Variants in PPP2R5D observed in about 807,000 individuals in gnomAD.
PPP2R5D encodes serine/threonine-protein phosphatase 2A 56 kDa regulatory subunit delta isoform.
A neutral mutation model predicts 79.1 loss-of-function variants in PPP2R5D; 12 were observed. The ratio of observed to expected loss-of-function variants is 0.15; its 90% confidence interval spans 0.10 to 0.25. The LOEUF (loss-of-function observed/expected upper bound fraction) is 0.25. Ranked by LOEUF, PPP2R5D falls within the 10% of genes least tolerant of loss-of-function variation. The pLI, the probability that PPP2R5D is intolerant of heterozygous loss-of-function variation, is 1.00. For missense variants in PPP2R5D, 419 were observed against 760.2 expected (o/e 0.55, Z 5.28); for synonymous variants, 277 against 286.6 (o/e 0.97, Z 0.34).
chr6:43,002,387 ACT>A (rs1207611814), intron 2 of PPP2R5D, among the ~76,000 whole-genome samples: 1 of 151,496 alleles, frequency 6.6e-6, no homozygotes, highest in Non-Finnish European at 1.5e-5. Context: ...CTGCTCTCAA[ACT>A]CCTGACCTCG....
At chr6:42,989,483 A>G in intron 1 of PPP2R5D, 128 bp from the exon 2 acceptor site, 1 of 788,126 alleles carries the variant, frequency 1.3e-6, no homozygotes, top group Non-Finnish European at 2.1e-6. Context: ...CCAGCTCCGC[A>G]CAAGGTAGAT....
At position 43,009,478 on chromosome 6, in the gene PPP2R5D, G is replaced by C; in HGVS notation, c.1379+29G>C. ...AGGCGCTGGGGTGGGGCTGGGTGGT[G>C]GGGATCCAGTTTGGGAAACTTTGAG... On this transcript the variant is annotated intron_variant, in intron 12 of 15. Coordinates refer to ENST00000485511, the MANE Select transcript of PPP2R5D (RefSeq NM_006245.4). The surrounding 1 kb of genome is among the most constrained non-coding windows in gnomAD (Gnocchi z 5.6). 2 of 1,613,602 alleles carry C rather than the reference G, an allele frequency of 1.2e-6. No homozygotes were observed. The highest frequency in any genetic ancestry group is 2.2e-5 in the South Asian group (2 of 91,066).
At position 43,011,776 on chromosome 6, in the gene PPP2R5D, C is replaced by G. The variant is rs1318140995; in HGVS notation, c.*490C>G. ...TGAAGGGAAGCCAACCCCCCTGCAG[C>G]ACAAATAGGCCCCCCAGTCCCAGCC... On this transcript the variant is annotated 3_prime_UTR_variant, in exon 16 of 16. Coordinates refer to ENST00000485511, the MANE Select transcript of PPP2R5D (RefSeq NM_006245.4). The G allele has an allele frequency of 5.9e-6, 1 of 168,162 alleles. No individual in the cohort carries two copies. Among genetic ancestry groups the G allele is most frequent in the Admixed American group, 5.7e-5 (1 of 17,650 alleles). The allele number at this position is 168,162 out of a possible 1,614,324, so 10.4% of individuals were successfully genotyped here.
At position 43,009,289 on chromosome 6, in the gene PPP2R5D, G is replaced by A. The variant is rs374775797; in HGVS notation, c.1252-33G>A. On this transcript the variant is annotated intron_variant, in intron 11 of 15. Coordinates refer to ENST00000485511, the MANE Select transcript of PPP2R5D (RefSeq NM_006245.4). This position sits in a 1 kb window ranked among gnomAD's most constrained non-coding sequence, Gnocchi z 5.6. ...GAAACTGAGGTCTTGAGTGAAATGA[G>A]CAGCACCCACCGAGTCTGCCTCTCC... The A allele has an allele frequency of 3.1e-6, 5 of 1,613,916 alleles. No homozygotes were observed. In the Admixed American group the frequency reaches 6.7e-5, roughly 22 times the overall value.
intron 2 of PPP2R5D, among the ~76,000 whole-genome samples, chr6:42,995,776 T>A (rs1771623386): frequency 6.6e-6 from 1 of 150,682 alleles, no homozygotes; most frequent in Non-Finnish European, 1.5e-5. Flanking sequence ...AGTACAGTGG[T>A]ACAATCATGG....
intron 15 of PPP2R5D, 21 bp downstream of exon 15, chr6:43,011,018 G>A: frequency 6.2e-7 from 1 of 1,610,396 alleles, no homozygotes. Context: ...AATGTAGGGG[G>A]ATGGAGCAGA....
chr6:43,010,485 T>A lies in PPP2R5D; in HGVS notation c.1397T>A (p.Ile466Asn), dbSNP rs930548289. The change falls in exon 13 of 16, where the codon ATC becomes AAC. Residue 466 changes from isoleucine to asparagine, a missense_variant. Physicochemically the swap from Ile to Asn is moderately radical, Grantham distance 149. Transcript: ENST00000485511. The surrounding 1 kb of genome is among the most constrained non-coding windows in gnomAD (Gnocchi z 4.7). ...GGTGGCAGGACAATCCATGGACTGATCTATAATGCCCTGAAGTTGTTTATG... is the reference window on the plus strand; with the variant it reads ...GGTGGCAGGACAATCCATGGACTGAACTATAATGCCCTGAAGTTGTTTATG... ...SHWNKTIHGL[I>N]YNALKLFMEM... 6.2e-7 allele frequency: 1 copy of A among 1,613,958 alleles called. No homozygotes were observed. The highest frequency in any genetic ancestry group is 8.5e-7 in the Non-Finnish European group (1 of 1,179,996).
intron 1 of PPP2R5D, among the ~76,000 whole-genome samples, chr6:42,986,079 C>A (rs939671309): frequency 6.6e-6 from 1 of 152,132 alleles, no homozygotes; most frequent in African/African-American, 2.4e-5. Context: ...GCCTGGCCCA[C>A]AGGCCAGTTC....
rs578158223 is a variant in PPP2R5D at position 43,007,310 on chromosome 6, C to T, written c.633+4C>T. 1.9e-6 allele frequency: 3 copies of T among 1,613,782 alleles called. No homozygotes were observed. The Admixed American group carries it at 5.0e-5, about 27-fold the overall frequency. On this transcript the variant is annotated splice_donor_region_variant and intron_variant, in intron 5 of 15. Coordinates refer to ENST00000485511, the MANE Select transcript of PPP2R5D (RefSeq NM_006245.4). The surrounding 1 kb of genome is among the most constrained non-coding windows in gnomAD (Gnocchi z 4.5). ...AGCTGCTTGGCCACATCTCCAGGTA[C>T]CAGGGCAAGGGGGCAGATTGGCCGT...
chr6:43,009,065 G>A lies in PPP2R5D; in HGVS notation c.1089G>A (p.Val363=), dbSNP rs973548049. The stretch of plus-strand genomic sequence containing the variant: ...CCCTCCTTGTCTCCCAGGTAATTGT[G>A]GGACTTCTCAAGTTTTGGCCCAAGA... The part of the protein sequence containing the change: ...KESSLTEPVI[V]GLLKFWPKTH... The change falls in exon 11 of 16, where the codon GTG becomes GTA. Residue 363 remains valine (V), a synonymous_variant. Transcript: ENST00000485511. The surrounding 1 kb of genome is among the most constrained non-coding windows in gnomAD (Gnocchi z 5.6). 1.9e-6 allele frequency: 3 copies of A among 1,613,686 alleles called. No individual in the cohort carries two copies. Among genetic ancestry groups the A allele is most frequent in the Non-Finnish European group, 2.5e-6 (3 of 1,179,858 alleles).
At chr6:43,001,700 T>A (rs1463288030) in intron 2 of PPP2R5D, among the ~76,000 whole-genome samples, 1 of 151,786 alleles carries the variant, frequency 6.6e-6, no homozygotes, top group Non-Finnish European at 1.5e-5. Context: ...CTGGCTAACA[T>A]GGTGAAATTC....
intron 1 of PPP2R5D, among the ~76,000 whole-genome samples, chr6:42,985,127 C>T (rs1770738575): frequency 6.6e-6 from 1 of 151,968 alleles, no homozygotes; most frequent in Non-Finnish European, 1.5e-5. Context: ...CTGAGCAGCC[C>T]CTTGTCTCCT....
At chr6:42,985,858 AC>A (rs1770806714) in intron 1 of PPP2R5D, among the ~76,000 whole-genome samples, 1 of 148,736 alleles carries the variant, frequency 6.7e-6, no homozygotes, top group Admixed American at 6.7e-5. Flanking sequence ...GCTCACCACA[AC>A]CTCTGCCTTC....
chr6:42,987,893 G>T (rs949859243), intron 1 of PPP2R5D, among the ~76,000 whole-genome samples: 1 of 152,192 alleles, frequency 6.6e-6, no homozygotes, highest in Non-Finnish European at 1.5e-5. Flanking sequence ...GGTCAGCTTT[G>T]TTCAAGGGGT....
chr6:42,994,491 G>A (rs1771491214), intron 2 of PPP2R5D, among the ~76,000 whole-genome samples: 1 of 151,872 alleles, frequency 6.6e-6, no homozygotes, highest in Non-Finnish European at 1.5e-5. Context: ...TGCCTCTGCA[G>A]GTAAGGGTCT....
chr6:42,994,576 G>A (rs1293633955), intron 2 of PPP2R5D, among the ~76,000 whole-genome samples: 4 of 152,094 alleles, frequency 2.6e-5, no homozygotes, highest in Admixed American at 2.0e-4. Context: ...AGGCCGAGGC[G>A]GGCGGATCAC....
chr6:42,986,454 A>G (rs1770856447), intron 1 of PPP2R5D, among the ~76,000 whole-genome samples: 1 of 152,130 alleles, frequency 6.6e-6, no homozygotes, highest in South Asian at 2.1e-4. Flanking sequence ...TGTATTTGCC[A>G]GGCAGCTCTG....
In PPP2R5D at chr6:43,007,957, A is replaced by G. The variant is rs1360552777; in HGVS notation, c.749A>G (p.Glu250Gly). The G allele has an allele frequency of 6.2e-7, 1 of 1,614,202 alleles. No individual in the cohort carries two copies. Among genetic ancestry groups the G allele is most frequent in the South Asian group, 1.1e-5 (1 of 91,090 alleles). The part of the protein sequence containing the change: ...VLALLDLFDS[E>G]DPRERDFLKT... ...CAGCTCCTAGACCTATTTGACAGTG[A>G]GGATCCTCGAGAGCGGGACTTCCTC... is the stretch of plus-strand genomic sequence containing the variant. Residue 250 changes from glutamate to glycine, a missense_variant, in exon 7 of 16, where the codon GAG becomes GGG. Around this residue, in one of 5 missense-constraint regions of PPP2R5D, gnomAD observed 196 missense variants for 424.5 expected, o/e 0.46. Transcript: ENST00000485511. The surrounding 1 kb of genome is among the most constrained non-coding windows in gnomAD (Gnocchi z 4.5).
intron 2 of PPP2R5D, among the ~76,000 whole-genome samples, chr6:43,000,815 C>T (rs1772130815): frequency 6.6e-6 from 1 of 152,184 alleles, no homozygotes; most frequent in Admixed American, 6.5e-5. Flanking sequence ...TGGGGAGGAG[C>T]CTGGGCAGGA....
Sources: gnomAD v4.1 joint callset for allele counts (sites outside exome capture counted in the v4.1 genomes callset) on GRCh38, gnomAD v4.1.1 for gene constraint, gnomAD v4.1.1 regional missense constraint, Gnocchi (gnomAD v3.1) non-coding constraint, MANE v1.5 for transcripts, NCBI Gene and HGNC (gene_info 2026-07-23, HGNC 2026-07-21) for gene names.